Variants in SYT11 observed in about 807,000 individuals in gnomAD.
SYT11 encodes the protein synaptotagmin 11.
A neutral mutation model predicts 30.4 loss-of-function variants in SYT11; 12 were observed. That is an observed-to-expected ratio of 0.39 (90% CI 0.25 to 0.64). The LOEUF (loss-of-function observed/expected upper bound fraction) is 0.64. Among genes scored for constraint, SYT11 ranks in the 30% least tolerant of loss-of-function variants. The pLI, the probability that SYT11 is intolerant of heterozygous loss-of-function variation, is 0.45. For synonymous variants in SYT11, 204 were observed against 216.0 expected, an observed-to-expected ratio of 0.94 and a Z score of 0.49; for missense variants, 412 against 552.0, an observed-to-expected ratio of 0.75 and a Z score of 2.54.
At position 155,880,485 on chromosome 1, in the gene SYT11, A is replaced by C. The variant is rs1672942647; in HGVS notation, c.862-15A>C. 2.5e-6 allele frequency: 4 copies of C among 1,613,034 alleles called. No homozygotes were observed. In the East Asian group the frequency reaches 8.9e-5, roughly 36 times the overall value. Reference sequence around the variant, plus strand: ...CCCTCTGCCAGGATTCTCACCTGCCATTTTTTCCTCACAGAAGTGCATCAG... The same window carrying C: ...CCCTCTGCCAGGATTCTCACCTGCCCTTTTTTCCTCACAGAAGTGCATCAG... On this transcript the variant is annotated splice_polypyrimidine_tract_variant and intron_variant, in intron 2 of 3. Coordinates refer to ENST00000368324, the MANE Select transcript of SYT11 (RefSeq NM_152280.5).
intron 2 of SYT11, among the ~76,000 whole-genome samples, chr1:155,869,722 A>G (rs548282284): frequency 1.3e-5 from 2 of 152,208 alleles, no homozygotes; most frequent in East Asian, 3.9e-4. Context: ...AGGGCCCTCC[A>G]TCCTGCCTTC....
chr1:155,869,408 T>C (rs1306546775), intron 2 of SYT11, among the ~76,000 whole-genome samples: 1 of 151,444 alleles, frequency 6.6e-6, no homozygotes, highest in Non-Finnish European at 1.5e-5. Flanking sequence ...GTAGCTGGGA[T>C]TGCAAGCACC....
intron 2 of SYT11, among the ~76,000 whole-genome samples, chr1:155,871,839 T>G (rs985832936): frequency 2.6e-5 from 4 of 152,190 alleles, no homozygotes; most frequent in Admixed American, 6.5e-5. Context: ...GAGCCATGGC[T>G]GTCATCTCCC....
intron 1 of SYT11, among the ~76,000 whole-genome samples, chr1:155,864,279 A>T (rs984361929): frequency 7.2e-5 from 11 of 152,216 alleles, no homozygotes; most frequent in African/African-American, 2.7e-4. Context: ...AAGCTCTACC[A>T]CAATGCCTGG....
chr1:155,873,875 A>G (rs1354386166), intron 2 of SYT11, among the ~76,000 whole-genome samples: 6 of 152,158 alleles, frequency 3.9e-5, no homozygotes. Flanking sequence ...TCTTTTCCAT[A>G]TGGGATTACT....
At chr1:155,876,427 T>C (rs1571978823) in intron 2 of SYT11, among the ~76,000 whole-genome samples, 1 of 151,546 alleles carries the variant, frequency 6.6e-6, no homozygotes, top group Non-Finnish European at 1.5e-5. Flanking sequence ...TTTGTATTTT[T>C]AGTAGAGATG....
chr1:155,865,393 C>T (rs1029712571), intron 1 of SYT11, among the ~76,000 whole-genome samples: 2 of 151,766 alleles, frequency 1.3e-5, no homozygotes, highest in African/African-American at 4.8e-5. Context: ...TTTGGGAGGC[C>T]GAGGCAATTG....
rs191206382 is a variant in SYT11 at position 155,879,806 on chromosome 1, A to G, written c.862-694A>G. 6.6e-5 allele frequency among the ~76,000 whole-genome samples: 10 copies of G among 152,352 alleles called. 1 individual carries two copies. The East Asian group carries it at 1.9e-3, about 29-fold the overall frequency. ...AATTTTAACTTATTTAATCCTTCTG[A>G]TAATGCTATGTGGTAGGTACAACCT... On this transcript the variant is annotated intron_variant, in intron 2 of 3. Coordinates refer to ENST00000368324, the MANE Select transcript of SYT11 (RefSeq NM_152280.5).
Position 155,868,386 on chromosome 1 carries a change from A to G in SYT11, c.456A>G (p.Pro152=), listed in dbSNP as rs1672723003. ...GESKTTSPSS[P]EEDVMLGSLT... ...GCAAAACCACCTCTCCATCATCTCC[A>G]GAGGAGGATGTCATGCTAGGATCCC... is the stretch of plus-strand genomic sequence containing the variant. The change falls in exon 2 of 4, where the codon CCA becomes CCG. Residue 152 remains proline, a synonymous_variant. Transcript: ENST00000368324. The surrounding 1 kb of genome is among the most constrained non-coding windows in gnomAD (Gnocchi z 4.7). The G allele has an allele frequency of 6.2e-7, 1 of 1,613,988 alleles. No homozygotes were observed. The highest frequency in any genetic ancestry group is 1.1e-5 in the South Asian group (1 of 91,066).
chr1:155,859,803 G>T lies in SYT11; in HGVS notation c.34+8G>T. On this transcript the variant is annotated splice_region_variant and intron_variant, in intron 1 of 3. Transcript: ENST00000368324. ...ATATCCGACCTAGCTTTGGTAAGTA[G>T]ACTCGGGAAAACTAAGCTTGAGGTG... The T allele has an allele frequency of 6.2e-7, 1 of 1,614,030 alleles. No individual in the cohort carries two copies. Among genetic ancestry groups the T allele is most frequent in the Non-Finnish European group, 8.5e-7 (1 of 1,179,860 alleles).
intron 2 of SYT11, among the ~76,000 whole-genome samples, chr1:155,872,819 G>C (rs1447635405): frequency 1.3e-5 from 2 of 152,198 alleles, no homozygotes; most frequent in African/African-American, 4.8e-5. Flanking sequence ...GTGGTGTTGT[G>C]GCTACAGACT....
In SYT11 at chr1:155,885,188, A is replaced by G. The variant is rs546637089; in HGVS notation, c.*3680A>G. The G allele has an allele frequency of 3.3e-5, 5 of 152,350 alleles. No homozygotes were observed. Among genetic ancestry groups the G allele is most frequent in the Non-Finnish European group, 2.9e-5 (2 of 68,048 alleles). 9.4% of individuals were successfully genotyped at this position (152,350 alleles called of 1,614,324 possible). A position where few individuals can be genotyped will look rare whatever the true frequency, so the allele number is the denominator to read the frequency against. On this transcript the variant is annotated 3_prime_UTR_variant, in exon 4 of 4. Transcript: ENST00000368324. ...AAGTGCAAAATAAAGACTGATTCAC[A>G]TTACATAGGCACAGTGATGTCAGCC... is the stretch of plus-strand genomic sequence containing the variant.
chr1:155,861,688 G>A (rs932731844), intron 1 of SYT11, among the ~76,000 whole-genome samples: 1 of 152,160 alleles, frequency 6.6e-6, no homozygotes, highest in African/African-American at 2.4e-5. Flanking sequence ...GCGTGATCTT[G>A]GCCCACCACA....
chr1:155,881,437 G>C lies in SYT11; in HGVS notation c.1225G>C (p.Glu409Gln). ...ACACAGTGTCACAGCCAGTGGTGCT[G>C]AACACTGGAGAGAGGTCTGCGAGAG... Reference protein sequence around the residue: ...GAHSVTASGAEHWREVCESPR... With the variant: ...GAHSVTASGAQHWREVCESPR... Residue 409 changes from glutamate (E) to glutamine (Q), a missense_variant, in exon 4 of 4, where the codon GAA becomes CAA. Glu to Gln is a conservative substitution (Grantham distance 29). Coordinates refer to ENST00000368324, the MANE Select transcript of SYT11 (RefSeq NM_152280.5). 2 of 1,614,020 alleles carry C rather than the reference G, an allele frequency of 1.2e-6. No individual in the cohort carries two copies. Among genetic ancestry groups the C allele is most frequent in the Non-Finnish European group, 1.7e-6 (2 of 1,179,992 alleles).
At chr1:155,864,219 C>T (rs1672634100) in intron 1 of SYT11, among the ~76,000 whole-genome samples, 1 of 152,156 alleles carries the variant, frequency 6.6e-6, no homozygotes, top group Non-Finnish European at 1.5e-5. Flanking sequence ...CCACTGCACT[C>T]CAGCCTAGGC....
intron 2 of SYT11, among the ~76,000 whole-genome samples, chr1:155,876,152 A>G (rs576963915): frequency 1.3e-5 from 2 of 152,020 alleles, no homozygotes; most frequent in East Asian, 3.9e-4. Context: ...TTTGAAGAAT[A>G]CAAGGAATAA....
intron 2 of SYT11, among the ~76,000 whole-genome samples, chr1:155,878,780 T>G (rs1672911474): frequency 6.6e-6 from 1 of 151,952 alleles, no homozygotes; most frequent in Non-Finnish European, 1.5e-5. Flanking sequence ...GGCAGGAGAA[T>G]GGCATGAACC....
chr1:155,861,041 G>T (rs764998581), intron 1 of SYT11, among the ~76,000 whole-genome samples: 14 of 152,126 alleles, frequency 9.2e-5, no homozygotes, highest in Non-Finnish European at 1.9e-4. Context: ...ACACAATCCA[G>T]CTAGGAAATG....
chr1:155,877,270 A>G (rs531980249), intron 2 of SYT11, among the ~76,000 whole-genome samples: 2 of 149,548 alleles, frequency 1.3e-5, no homozygotes, highest in Non-Finnish European at 3.0e-5. Flanking sequence ...GCCCGGCCTA[A>G]TTTTTCTATT....
Sources: allele counts gnomAD v4.1 joint callset (sites outside exome capture counted in the v4.1 genomes callset), GRCh38; gene constraint gnomAD v4.1.1; non-coding constraint Gnocchi (gnomAD v3.1); transcripts MANE v1.5; gene names NCBI Gene and HGNC (gene_info 2026-07-23, HGNC 2026-07-21).